The following DLGAP2 variants were observed in gnomAD, a reference collection of about 807,000 sequenced individuals.
DLGAP2 encodes DLG associated protein 2.
In DLGAP2, 26 loss-of-function variants were observed where a neutral mutation model predicts 100.3. The observed-to-expected ratio is 0.26, with a 90% CI of 0.19 to 0.36. DLGAP2 has a LOEUF of 0.36. Among genes scored for constraint, DLGAP2 ranks in the 10% least tolerant of loss-of-function variants. The pLI is 1.00. For synonymous variants in DLGAP2, 886 were observed against 630.1 expected (o/e 1.41, Z -6.08); for missense variants, 1,858 against 1,453.2 (o/e 1.28, Z -4.53).
At chr8:1,023,037 G>A (rs1033550055) in intron 2 of DLGAP2, among the ~76,000 whole-genome samples, 1 of 152,204 alleles carries the variant, frequency 6.6e-6, no homozygotes, top group African/African-American at 2.4e-5. Context: ...GGAGCATTGC[G>A]ATCTGCAGAC....
At chr8:783,493 T>C (rs547879439) in intron 1 of DLGAP2, among the ~76,000 whole-genome samples, 28 of 152,320 alleles carry the variant, frequency 1.8e-4, no homozygotes, top group Admixed American at 6.5e-4. Flanking sequence ...AAAAGGATGT[T>C]GTTTTGTGAC....
intron 3 of DLGAP2, among the ~76,000 whole-genome samples, chr8:1,408,166 G>A (rs1796626816): frequency 6.6e-6 from 1 of 152,226 alleles, no homozygotes; most frequent in Non-Finnish European, 1.5e-5. Flanking sequence ...AGCATCTCCA[G>A]CTAGCATTTT....
At position 1,111,464 on chromosome 8, in the gene DLGAP2, T is replaced by C. The variant is rs138092119; in HGVS notation, c.74-147387T>C. ...GGCTTCTTACTTAGGTTAACTCATG[T>C]CACAGAGATGTATTGTATAGGTTAT... On this transcript the variant is annotated intron_variant, in intron 2 of 14. Transcript: ENST00000637795. Among the ~76,000 whole-genome samples, 29 of 152,268 alleles carry C rather than the reference T, an allele frequency of 1.9e-4. No homozygotes were observed. In the East Asian group the frequency reaches 5.4e-3, roughly 28 times the overall value.
intron 3 of DLGAP2, among the ~76,000 whole-genome samples, chr8:1,434,714 A>G (rs532499660): frequency 1.2e-4 from 18 of 152,246 alleles, no homozygotes; most frequent in South Asian, 4.1e-4. Flanking sequence ...GACTCAGGCA[A>G]TCTTCCAGCC....
rs529216687 is a variant in DLGAP2 at position 1,013,630 on chromosome 8, G to T, written c.73+105664G>T. On this transcript the variant is annotated intron_variant, in intron 2 of 14. Coordinates refer to ENST00000637795, the MANE Select transcript of DLGAP2 (RefSeq NM_001346810.2). ...ACTGTGTGTGTGACCAGGACAGACGGTGCCTCCACTGTGTGTGTGACCAGG... is the reference window on the plus strand; with the variant it reads ...ACTGTGTGTGTGACCAGGACAGACGTTGCCTCCACTGTGTGTGTGACCAGG... Among the ~76,000 whole-genome samples the T allele has an allele frequency of 1.6e-5, 2 of 127,198 alleles. 1 individual carries two copies. Among genetic ancestry groups the T allele is most frequent in the African/African-American group, 8.3e-5 (2 of 24,024 alleles). The allele number at this position is 127,198 out of a possible 152,430, so 83.4% of individuals were successfully genotyped here.
chr8:1,183,967 A>G (rs1057172761), intron 2 of DLGAP2, among the ~76,000 whole-genome samples: 5 of 152,346 alleles, frequency 3.3e-5, no homozygotes, highest in South Asian at 4.1e-4. Flanking sequence ...ATATGTAAAA[A>G]TGATATTTGG....
chr8:760,375 C>T (rs1352265896), intron 1 of DLGAP2, among the ~76,000 whole-genome samples: 3 of 152,072 alleles, frequency 2.0e-5, no homozygotes, highest in African/African-American at 4.8e-5. Flanking sequence ...CTGGTTAGAC[C>T]GATTGTTTCT....
chr8:1,209,191 C>CAA (rs1449492514), intron 2 of DLGAP2, among the ~76,000 whole-genome samples: 1 of 151,990 alleles, frequency 6.6e-6, no homozygotes, highest in Non-Finnish European at 1.5e-5. Flanking sequence ...CCTGCATAGC[C>CAA]AAAGCAAGAC....
At chr8:1,460,671 G>A in intron 3 of DLGAP2, among the ~76,000 whole-genome samples, 1 of 152,176 alleles carries the variant, frequency 6.6e-6, no homozygotes, top group Non-Finnish European at 1.5e-5. Context: ...TTATATATTA[G>A]ATGGGGGTAA....
intron 3 of DLGAP2, among the ~76,000 whole-genome samples, chr8:1,303,601 C>T (rs7817445): frequency 0.25 from 37,641 of 151,952 alleles, 4,970 homozygotes; most frequent in African/African-American, 0.3. Flanking sequence ...TCTCTCTTAA[C>T]GGAGAATCAG....
intron 2 of DLGAP2, among the ~76,000 whole-genome samples, chr8:1,123,447 G>C (rs1796095176): frequency 6.6e-6 from 1 of 152,142 alleles, no homozygotes; most frequent in Non-Finnish European, 1.5e-5. Context: ...TTGTTTTCCA[G>C]TAAACAAGGA....
Position 1,678,621 on chromosome 8 carries a change from C to G in DLGAP2, c.2696C>G (p.Ser899Trp), listed in dbSNP as rs558732081. Residue 899 changes from serine (S) to tryptophan (W), a missense_variant, in exon 12 of 15, where the codon TCG (serine) becomes TGG (tryptophan). Coordinates refer to ENST00000637795, the MANE Select transcript of DLGAP2 (RefSeq NM_001346810.2). The stretch of plus-strand genomic sequence containing the variant: ...AGAGAGGCGGAGGAGAACGACCTCT[C>G]GGAGGAAAGTAAGAGCTCAGGCTTC... ...MEREAEENDLSEEILGKIRSA... is the reference protein window; with the variant it reads ...MEREAEENDLWEEILGKIRSA... 1 of 1,540,856 alleles carries G rather than the reference C, an allele frequency of 6.5e-7. No homozygotes were observed. The highest frequency in any genetic ancestry group is 8.8e-7 in the Non-Finnish European group (1 of 1,140,588).
intron 3 of DLGAP2, among the ~76,000 whole-genome samples, chr8:1,426,895 G>A (rs1453789953): frequency 7.0e-6 from 1 of 143,024 alleles, no homozygotes; most frequent in Non-Finnish European, 1.6e-5. Context: ...CATATGAAAG[G>A]GGAAAAAAAT....
intron 3 of DLGAP2, among the ~76,000 whole-genome samples, chr8:1,494,664 G>A (rs1167914831): frequency 6.6e-6 from 1 of 152,092 alleles, no homozygotes; most frequent in Non-Finnish European, 1.5e-5. Context: ...GGAGGTGGAG[G>A]TTACAGTGAG....
rs1481056711 is a variant in DLGAP2 at position 798,088 on chromosome 8, C to G, written c.18+60263C>G. ...TTAACTGCTCCCGAGGCCCCTGTTG[C>G]ATCTTCACCAGGCTGTTTGCATCAG... On this transcript the variant is annotated intron_variant, in intron 1 of 14. Coordinates refer to ENST00000637795, the MANE Select transcript of DLGAP2 (RefSeq NM_001346810.2). 5.9e-5 allele frequency among the ~76,000 whole-genome samples: 9 copies of G among 152,350 alleles called. No individual in the cohort carries two copies. In the South Asian group the frequency reaches 1.7e-3, roughly 28 times the overall value.
intron 2 of DLGAP2, among the ~76,000 whole-genome samples, chr8:1,179,910 C>T (rs1411070104): frequency 3.3e-5 from 5 of 152,056 alleles, no homozygotes; most frequent in Non-Finnish European, 5.9e-5. Flanking sequence ...AACAAAATAA[C>T]GAGTAGATGG....
At chr8:1,606,427 C>A (rs1259395330) in intron 6 of DLGAP2, among the ~76,000 whole-genome samples, 3 of 152,122 alleles carry the variant, frequency 2.0e-5, no homozygotes, top group African/African-American at 7.2e-5. Flanking sequence ...ACTCCTCCAA[C>A]CCCTGGCAAC....
At chr8:1,622,876 G>C (rs1797382790) in intron 6 of DLGAP2, among the ~76,000 whole-genome samples, 1 of 152,278 alleles carries the variant, frequency 6.6e-6, no homozygotes, top group East Asian at 1.9e-4. Context: ...GATTTTCAGG[G>C]GGAAGAGTCA....
intron 4 of DLGAP2, among the ~76,000 whole-genome samples, chr8:1,531,013 C>T (rs1800971959): frequency 6.6e-6 from 1 of 152,188 alleles, no homozygotes; most frequent in South Asian, 2.1e-4. Flanking sequence ...TGTTTTCTAA[C>T]ATTCCTCACT....
Sources: gnomAD v4.1 joint callset for allele counts (sites outside exome capture counted in the v4.1 genomes callset) on GRCh38, gnomAD v4.1.1 for gene constraint, MANE v1.5 for transcripts, NCBI Gene and HGNC (gene_info 2026-07-23, HGNC 2026-07-21) for gene names.